Variants in TNRC6B observed in about 807,000 individuals in gnomAD.
TNRC6B encodes the protein trinucleotide repeat-containing gene 6B protein.
A neutral mutation model predicts 203.6 loss-of-function variants in TNRC6B; 52 were observed. That is an observed-to-expected ratio of 0.26 (90% CI 0.20 to 0.32). The LOEUF (loss-of-function observed/expected upper bound fraction) is 0.32, where lower values mean the gene tolerates loss of function less well. Ranked by LOEUF, TNRC6B falls within the 10% of genes least tolerant of loss-of-function variation. The pLI, the probability that TNRC6B is intolerant of heterozygous loss-of-function variation, is 1.00. For missense variants in TNRC6B, 1,923 were observed against 2,286.2 expected, an observed-to-expected ratio of 0.84 and a Z score of 3.24; for synonymous variants, 838 against 845.7, an observed-to-expected ratio of 0.99 and a Z score of 0.16.
At chr22:40,174,950 A>G (rs1212920330), upstream of TNRC6B, among the ~76,000 whole-genome samples, 1 of 152,244 alleles carries the variant, frequency 6.6e-6, no homozygotes, top group Non-Finnish European at 1.5e-5. Flanking sequence ...TATGTCTGGA[A>G]ACACAAGGGA....
At chr22:40,236,945 A>G (rs2069956114) in intron 1 of TNRC6B, among the ~76,000 whole-genome samples, 1 of 152,090 alleles carries the variant, frequency 6.6e-6, no homozygotes, top group African/African-American at 2.4e-5. Flanking sequence ...CGGGCGGATT[A>G]TCTGAGGCCA....
At chr22:40,238,017 T>C (rs2069971847) in intron 1 of TNRC6B, among the ~76,000 whole-genome samples, 2 of 152,236 alleles carry the variant, frequency 1.3e-5, no homozygotes, top group South Asian at 4.2e-4. Flanking sequence ...TATTAGATGA[T>C]GTAGTTCGTT....
At chr22:40,202,805 C>T (rs2069431224) in intron 1 of TNRC6B, among the ~76,000 whole-genome samples, 1 of 152,124 alleles carries the variant, frequency 6.6e-6, no homozygotes, top group Admixed American at 6.5e-5. Flanking sequence ...AGGAGCTCTG[C>T]TCTTGACCGT....
At chr22:40,201,375 C>T (rs1279023066) in intron 1 of TNRC6B, among the ~76,000 whole-genome samples, 1 of 151,928 alleles carries the variant, frequency 6.6e-6, no homozygotes, top group African/African-American at 2.4e-5. Context: ...TTTCTCTGCT[C>T]AAGGGTTGGC....
intron 22 of TNRC6B, chr22:40,321,759 C>A (rs2071336961): frequency 6.5e-6 from 1 of 153,022 alleles, no homozygotes; most frequent in South Asian, 2.1e-4. Flanking sequence ...GCCCTCCAGC[C>A]TGGTGACAGA....
In TNRC6B at chr22:40,240,254, T is replaced by C. The variant is rs141332087; in HGVS notation, c.6-5761T>C. ...ACCTGAGAGGTTCTCAAGAGTAGTT[T>C]GGCTTTTTACCATTCAGGATTTATT... On this transcript the variant is annotated intron_variant, in intron 1 of 22. Coordinates refer to ENST00000454349, the MANE Select transcript of TNRC6B (RefSeq NM_001162501.2). 1.5e-3 allele frequency among the ~76,000 whole-genome samples: 226 copies of C among 152,356 alleles called. 1 individual carries two copies. The highest frequency in any genetic ancestry group is 5.2e-3 in the African/African-American group (215 of 41,574).
At chr22:40,215,057 C>T (rs2069617286) in intron 1 of TNRC6B, among the ~76,000 whole-genome samples, 1 of 151,968 alleles carries the variant, frequency 6.6e-6, no homozygotes, top group Non-Finnish European at 1.5e-5. Flanking sequence ...GAATACTTAG[C>T]TTTCTTTTTT....
intron 15 of TNRC6B, 26 bp downstream of exon 15, chr22:40,301,359 C>G (rs776001873): frequency 1.9e-6 from 3 of 1,595,332 alleles, no homozygotes; most frequent in Non-Finnish European, 8.6e-7. Flanking sequence ...AGAAAATTAC[C>G]TTTTTAGAAA....
intron 1 of TNRC6B, among the ~76,000 whole-genome samples, chr22:40,220,037 A>G (rs2069687053): frequency 6.6e-6 from 1 of 152,158 alleles, no homozygotes; most frequent in Admixed American, 6.5e-5. Flanking sequence ...ATCGTTTGTA[A>G]ACTTAGATAT....
At chr22:40,120,029 T>C (rs1047255958) in intron 2 of TNRC6B, among the ~76,000 whole-genome samples, 1 of 152,132 alleles carries the variant, frequency 6.6e-6, no homozygotes, top group Non-Finnish European at 1.5e-5. Context: ...GTGGGCACAT[T>C]ACATGGTTTT....
chr22:40,261,235 A>G (rs2070377303), intron 3 of TNRC6B, among the ~76,000 whole-genome samples: 1 of 152,088 alleles, frequency 6.6e-6, no homozygotes, highest in Admixed American at 6.6e-5. Context: ...GCAGCAAGCC[A>G]AGATCACTGC....
chr22:40,212,749 A>G (rs2069582059), intron 1 of TNRC6B, among the ~76,000 whole-genome samples: 1 of 152,026 alleles, frequency 6.6e-6, no homozygotes, highest in African/African-American at 2.4e-5. Flanking sequence ...CCTGGGTTCA[A>G]GCGATTCTCG....
chr22:40,102,245 A>T (rs1212402288), intron 1 of TNRC6B, among the ~76,000 whole-genome samples: 2 of 152,222 alleles, frequency 1.3e-5, no homozygotes, highest in Non-Finnish European at 2.9e-5. Context: ...CCAGATACTC[A>T]TGTTTGCAAT....
chr22:40,255,502 A>G (rs1192311669), intron 3 of TNRC6B, among the ~76,000 whole-genome samples: 1 of 152,206 alleles, frequency 6.6e-6, no homozygotes, highest in East Asian at 1.9e-4. Flanking sequence ...CACCCCTCAC[A>G]CCTTGTAGAA....
chr22:40,107,054 T>C, intron 1 of TNRC6B: 1 of 860,606 alleles, frequency 1.2e-6, no homozygotes. Flanking sequence ...TCTTCTTTTC[T>C]ACACCCTCCG....
At chr22:40,267,170 A>G (rs1402541426) in intron 5 of TNRC6B, 134 bp downstream of exon 5, 45 of 917,110 alleles carry the variant, frequency 4.9e-5, no homozygotes, top group Non-Finnish European at 6.2e-5. Flanking sequence ...TGTTGCTAAC[A>G]GAACCTCTTT....
rs550247745 is a variant in TNRC6B, at chr22:40,069,547, G to A, written c.-121+24549G>A. Among the ~76,000 whole-genome samples the A allele has an allele frequency of 6.6e-5, 10 of 151,280 alleles. No individual in the cohort carries two copies. The South Asian group carries it at 1.9e-3, about 28-fold the overall frequency. ...TCATTGCCCCAGCTGGAGTGCAATG[G>A]CGTGATCTCGGCTCACCGCAACCTC... On this transcript the variant is annotated intron_variant, in intron 1 of 23. Transcript: ENST00000301923.
intron 21 of TNRC6B, among the ~76,000 whole-genome samples, chr22:40,318,503 C>T (rs867063332): frequency 3.3e-5 from 5 of 152,008 alleles, no homozygotes; most frequent in African/African-American, 4.8e-5. Flanking sequence ...GCCGAGATTG[C>T]GCCACTGCAC....
At chr22:40,272,981 G>A (rs1247411080) in intron 6 of TNRC6B, among the ~76,000 whole-genome samples, 12 of 152,140 alleles carry the variant, frequency 7.9e-5, no homozygotes, top group Admixed American at 7.9e-4. Flanking sequence ...CTAGACAGTT[G>A]TCCTTTATCA....
Sources: allele counts gnomAD v4.1 joint callset (sites outside exome capture counted in the v4.1 genomes callset), GRCh38; gene constraint gnomAD v4.1.1; transcripts MANE v1.5; gene names NCBI Gene and HGNC (gene_info 2026-07-23, HGNC 2026-07-21).